MED25: variants seen among roughly 807,000 people sequenced by gnomAD.
The protein encoded by MED25 is mediator complex subunit 25, also known as mediator of RNA polymerase II transcription subunit 25.
MED25 carries 62 observed loss-of-function variants against 89.4 expected under a neutral mutation model. The observed-to-expected ratio is 0.69, with a 90% CI of 0.57 to 0.86. The LOEUF (loss-of-function observed/expected upper bound fraction) is 0.86. MED25 is among the 40% of genes least tolerant of loss of function. The pLI, the probability that MED25 is intolerant of heterozygous loss-of-function variation, is 0.00. For synonymous variants in MED25, 449 were observed against 427.9 expected (o/e 1.05, Z -0.61); for missense variants, 905 against 1,005.2 (o/e 0.90, Z 1.35).
rs1283684400 is a variant in MED25, at chr19:49,829,414, G to A, written c.525+324G>A. Among the ~76,000 whole-genome samples the A allele has an allele frequency of 6.6e-6, 1 of 152,178 alleles. No individual in the cohort carries two copies. Among genetic ancestry groups the A allele is most frequent in the Admixed American group, 6.6e-5 (1 of 15,262 alleles). ...ATGTTTCAGCCTCCCGAGTAGCTGG[G>A]ATTATAGACGCCCGCCACCACGCCC... On this transcript the variant is annotated intron_variant, in intron 5 of 17. Transcript: ENST00000312865. The surrounding 1 kb of genome is among the most constrained non-coding windows in gnomAD (Gnocchi z 4.6).
At position 49,832,051 on chromosome 19, in the gene MED25, G is replaced by A. The variant is rs375259879; in HGVS notation, c.1316+30G>A. 7 of 1,613,786 alleles carry A rather than the reference G, an allele frequency of 4.3e-6. No homozygotes were observed. The African/African-American group carries it at 8.0e-5, about 18-fold the overall frequency. On this transcript the variant is annotated intron_variant, in intron 11 of 17. Transcript: ENST00000312865. ...GTGACAGTCAGGGGCGGGGTGTGGT[G>A]GGGCTGGGGCTGGCCCCCTCCTCAC... is the stretch of plus-strand genomic sequence containing the variant.
At chr19:49,823,695 C>T (rs576299603) in intron 3 of MED25, among the ~76,000 whole-genome samples, 2 of 152,224 alleles carry the variant, frequency 1.3e-5, no homozygotes, top group East Asian at 1.9e-4. Context: ...CCAGTATGTG[C>T]GTGCAAGTGC....
Position 49,830,766 on chromosome 19 carries a change from A to T in MED25, c.980A>T (p.Gln327Leu). ...GPPFSQAPAPQLPPGPPGAPK... is the reference protein window; with the variant it reads ...GPPFSQAPAPLLPPGPPGAPK... The stretch of plus-strand genomic sequence containing the variant: ...CCCTTCAGCCAGGCCCCAGCTCCCC[A>T]ACTACCCCCAGGACCCCCTGGCGCC... The change falls in exon 9 of 18, where the codon CAA becomes CTA. Residue 327 changes from glutamine to leucine, a missense_variant. Around this residue, in one of 3 missense-constraint regions of MED25, gnomAD observed 501 missense variants for 526.9 expected, o/e 0.95. Transcript: ENST00000312865. This position sits in a 1 kb window ranked among gnomAD's most constrained non-coding sequence, Gnocchi z 4.6. 6.2e-7 allele frequency: 1 copy of T among 1,610,492 alleles called. No individual in the cohort carries two copies. Among genetic ancestry groups the T allele is most frequent in the Non-Finnish European group, 8.5e-7 (1 of 1,178,620 alleles).
intron 3 of MED25, among the ~76,000 whole-genome samples, chr19:49,828,244 CACAG>C (rs147224163): frequency 0.015 from 2,218 of 148,492 alleles, 92 homozygotes; most frequent in East Asian, 0.14. Flanking sequence ...AAAAAAAAAA[CACAG>C]ACAGCAAATG....
intron 3 of MED25, among the ~76,000 whole-genome samples, chr19:49,825,085 G>C (rs1335044232): frequency 2.0e-5 from 3 of 152,156 alleles, no homozygotes; most frequent in Non-Finnish European, 4.4e-5. Context: ...CAGCCATAGT[G>C]CTTCTTCTGT....
In MED25 at chr19:49,835,236, G is replaced by T; in HGVS notation, c.1674+59G>T. ...ACCCCCTCCTGCCCGGGCCCCACATGGCCCCCTGGGGTCTCCAGGACCAAG... is the reference window on the plus strand; with the variant it reads ...ACCCCCTCCTGCCCGGGCCCCACATTGCCCCCTGGGGTCTCCAGGACCAAG... On this transcript the variant is annotated intron_variant, in intron 14 of 17. Coordinates refer to ENST00000312865, the MANE Select transcript of MED25 (RefSeq NM_030973.4). This position sits in a 1 kb window ranked among gnomAD's most constrained non-coding sequence, Gnocchi z 6.2. 6.4e-7 allele frequency: 1 copy of T among 1,568,854 alleles called. No homozygotes were observed.
Position 49,836,286 on chromosome 19 carries a change from C to T in MED25, c.2026C>T (p.Pro676Ser), listed in dbSNP as rs1263091655. ...CCACCACCTCCAGCCACCAGGGGCT[C>T]CTGCGCTGCTGCCTCCGCCGCACCA... ...SLHHLQPPGA[P>S]ALLPPPHQGL... Residue 676 changes from proline (P) to serine (S), a missense_variant, in exon 17 of 18, where the codon CCT becomes TCT. Pro to Ser is a moderately conservative substitution (Grantham distance 74). This residue lies in a region of MED25 where 271 missense variants were observed against 258.1 expected (regional missense o/e 1.05). Coordinates refer to ENST00000312865, the MANE Select transcript of MED25 (RefSeq NM_030973.4). This position sits in a 1 kb window ranked among gnomAD's most constrained non-coding sequence, Gnocchi z 5.1. The T allele has an allele frequency of 1.9e-6, 3 of 1,612,180 alleles. No individual in the cohort carries two copies. Among genetic ancestry groups the T allele is most frequent in the Non-Finnish European group, 2.5e-6 (3 of 1,179,694 alleles).
intron 3 of MED25, among the ~76,000 whole-genome samples, chr19:49,821,850 G>A (rs575724502): frequency 0.015 from 2,246 of 148,566 alleles, 27 homozygotes; most frequent in Non-Finnish European, 0.025. Context: ...TTGTAGTGGC[G>A]GGGCACGGTG....
At position 49,830,649 on chromosome 19, in the gene MED25, C is replaced by G; in HGVS notation, c.908-45C>G. ...GCGGGCAGGGGCCAGGCAGGCCTCT[C>G]TCCACACACTTGTTCCCCACTTCTT... On this transcript the variant is annotated intron_variant, in intron 8 of 17. Transcript: ENST00000312865. This position sits in a 1 kb window ranked among gnomAD's most constrained non-coding sequence, Gnocchi z 4.6. 6.2e-7 allele frequency: 1 copy of G among 1,612,612 alleles called. No individual in the cohort carries two copies. The highest frequency in any genetic ancestry group is 8.5e-7 in the Non-Finnish European group (1 of 1,178,590).
downstream of MED25, among the ~76,000 whole-genome samples, chr19:49,837,636 G>A (rs937207619): frequency 6.6e-6 from 1 of 152,146 alleles, no homozygotes; most frequent in Non-Finnish European, 1.5e-5. Context: ...TCGGGGGCTG[G>A]GGTAGAGGTT....
At chr19:49,838,013 G>A (rs545760159), downstream of MED25, among the ~76,000 whole-genome samples, 7 of 152,272 alleles carry the variant, frequency 4.6e-5, no homozygotes, top group South Asian at 1.5e-3. Context: ...ATCCAGACAG[G>A]CTTGGAGCGC....
chr19:49,837,053 T>C, downstream of MED25: 1 of 917,426 alleles, frequency 1.1e-6, no homozygotes, highest in South Asian at 1.4e-5. Context: ...CTGTCCTTGT[T>C]CTCACTTCAG....
In MED25 at chr19:49,828,433, C is replaced by A. The variant is rs574558795; in HGVS notation, c.306-16C>A. On this transcript the variant is annotated splice_polypyrimidine_tract_variant and intron_variant, in intron 3 of 17. Transcript: ENST00000312865. ...GATGATGGCAACCCTGGGGGCTGAC[C>A]GCTCTGCCCCTGCAGGTTCATGGGC... is the stretch of plus-strand genomic sequence containing the variant. 1.6e-5 allele frequency: 26 copies of A among 1,599,238 alleles called. No homozygotes were observed. Among genetic ancestry groups the A allele is most frequent in the Non-Finnish European group, 2.1e-5 (25 of 1,166,830 alleles).
At position 49,835,328 on chromosome 19, in the gene MED25, C is replaced by G. The variant is rs2074087598; in HGVS notation, c.1674+151C>G. 2 of 1,036,880 alleles carry G rather than the reference C, an allele frequency of 1.9e-6. No individual in the cohort carries two copies. Among genetic ancestry groups the G allele is most frequent in the East Asian group, 2.6e-5 (1 of 39,066 alleles). 64.2% of individuals were successfully genotyped at this position (1,036,880 alleles called of 1,614,324 possible). A position where few individuals can be genotyped will look rare whatever the true frequency, so the allele number is the denominator to read the frequency against. Reference sequence around the variant, plus strand: ...TCCCACTCAGATTTTCTTGCAGTCTCTCTCCTTTTTCAGCATCCACATCAA... The same window carrying G: ...TCCCACTCAGATTTTCTTGCAGTCTGTCTCCTTTTTCAGCATCCACATCAA... On this transcript the variant is annotated intron_variant, in intron 14 of 17. Transcript: ENST00000312865. This position sits in a 1 kb window ranked among gnomAD's most constrained non-coding sequence, Gnocchi z 6.2.
chr19:49,836,438 G>T lies in MED25; in HGVS notation c.2146+32G>T. On this transcript the variant is annotated intron_variant, in intron 17 of 17. Transcript: ENST00000312865. The surrounding 1 kb of genome is among the most constrained non-coding windows in gnomAD (Gnocchi z 5.1). Reference sequence around the variant, plus strand: ...GGACCCGGGGGAGGGCAGAGGTCTGGACTGAGTGTCCCAGCAGCTCCTGGG... The same window carrying T: ...GGACCCGGGGGAGGGCAGAGGTCTGTACTGAGTGTCCCAGCAGCTCCTGGG... 6.4e-7 allele frequency: 1 copy of T among 1,561,586 alleles called. No individual in the cohort carries two copies. Among genetic ancestry groups the T allele is most frequent in the South Asian group, 1.2e-5 (1 of 85,310 alleles).
Position 49,835,722 on chromosome 19 carries a change from A to ACCAGCT in MED25, c.1751_1756dup. 6.2e-7 allele frequency: 1 copy of ACCAGCT among 1,608,372 alleles called. No homozygotes were observed. Among genetic ancestry groups the ACCAGCT allele is most frequent in the Non-Finnish European group, 8.5e-7 (1 of 1,178,122 alleles). ...CTCCCTCACCCCTGTGTCTCTTCCC[A>ACCAGCT]CCAGCTCCAGCTCCGCCCACCGCAG... On this transcript the variant is annotated splice_region_variant and splice_polypyrimidine_tract_variant and intron_variant, in intron 15 of 17. Coordinates refer to ENST00000312865, the MANE Select transcript of MED25 (RefSeq NM_030973.4). The surrounding 1 kb of genome is among the most constrained non-coding windows in gnomAD (Gnocchi z 6.2).
chr19:49,827,123 C>G (rs2074020908), intron 3 of MED25, among the ~76,000 whole-genome samples: 1 of 152,120 alleles, frequency 6.6e-6, no homozygotes, highest in Non-Finnish European at 1.5e-5. Context: ...ACAGGGCCCT[C>G]AAGACCCTCA....
rs765945301 is a variant in MED25, at chr19:49,832,202, C to A, written c.1374+45C>A. On this transcript the variant is annotated intron_variant, in intron 12 of 17. Transcript: ENST00000312865. ...CAGCCCTGCTGCCGGGCAGTCCTCACCCTGCTGTCTCTTTCCTGTTCCCTG... is the reference window on the plus strand; with the variant it reads ...CAGCCCTGCTGCCGGGCAGTCCTCAACCTGCTGTCTCTTTCCTGTTCCCTG... 28 of 1,601,798 alleles carry A rather than the reference C, an allele frequency of 1.7e-5. 1 individual carries two copies. The South Asian group carries it at 2.3e-4, about 13-fold the overall frequency.
intron 3 of MED25, among the ~76,000 whole-genome samples, chr19:49,823,885 C>G (rs1045176288): frequency 5.3e-5 from 8 of 152,134 alleles, no homozygotes; most frequent in Non-Finnish European, 8.8e-5. Context: ...CATCCTTGGC[C>G]TCTACTCACT....
Sources: gnomAD v4.1 joint callset for allele counts (sites outside exome capture counted in the v4.1 genomes callset) on GRCh38, gnomAD v4.1.1 for gene constraint, gnomAD v4.1.1 regional missense constraint, Gnocchi (gnomAD v3.1) non-coding constraint, MANE v1.5 for transcripts, NCBI Gene and HGNC (gene_info 2026-07-23, HGNC 2026-07-21) for gene names.